The following SGCZ variants were observed in gnomAD, a reference collection of about 807,000 sequenced individuals.
SGCZ encodes the protein sarcoglycan zeta.
A neutral mutation model predicts 41.3 loss-of-function variants in SGCZ; 40 were observed. The observed-to-expected ratio is 0.97, with a 90% CI of 0.75 to 1.26. The LOEUF (loss-of-function observed/expected upper bound fraction) is 1.26, where lower values mean the gene tolerates loss of function less well. Ranked by LOEUF, SGCZ falls within the 50% of genes most tolerant of loss-of-function variation. The pLI is 0.00. For missense variants in SGCZ, 552 were observed against 369.8 expected (o/e 1.49, Z -4.04); for synonymous variants, 206 against 137.5 (o/e 1.50, Z -3.49).
intron 3 of SGCZ, among the ~76,000 whole-genome samples, chr8:14,269,772 G>C (rs1047665571): frequency 4.6e-5 from 7 of 152,076 alleles, no homozygotes; most frequent in Admixed American, 4.6e-4. Context: ...AACTGATTGG[G>C]GACACTGCTG....
chr8:14,383,243 A>G (rs1415259298), intron 2 of SGCZ, among the ~76,000 whole-genome samples: 3 of 152,240 alleles, frequency 2.0e-5, no homozygotes, highest in Non-Finnish European at 4.4e-5. Context: ...AATTAATTAA[A>G]ATGTCAAGAA....
At chr8:14,805,645 C>A (rs1801495544) in intron 1 of SGCZ, among the ~76,000 whole-genome samples, 1 of 149,088 alleles carries the variant, frequency 6.7e-6, no homozygotes, top group South Asian at 2.2e-4. Flanking sequence ...ACTTTAACAC[C>A]CCACTGTCAA....
chr8:14,641,208 C>T (rs901714605), intron 1 of SGCZ, among the ~76,000 whole-genome samples: 4 of 151,578 alleles, frequency 2.6e-5, no homozygotes, highest in Admixed American at 6.6e-5. Context: ...ACTACGTTTT[C>T]GCTCCAGGCT....
chr8:15,176,568 T>C (rs1475386347), intron 1 of SGCZ, among the ~76,000 whole-genome samples: 1 of 152,246 alleles, frequency 6.6e-6, no homozygotes. Context: ...TAATATTTCA[T>C]AGAAGAATTA....
chr8:14,521,422 G>C (rs1356507431), intron 2 of SGCZ, among the ~76,000 whole-genome samples: 1 of 151,924 alleles, frequency 6.6e-6, no homozygotes, highest in Non-Finnish European at 1.5e-5. Context: ...ACAAACCTAT[G>C]TTTACCTATG....
At chr8:15,056,776 A>C (rs1804722444) in intron 1 of SGCZ, among the ~76,000 whole-genome samples, 1 of 152,150 alleles carries the variant, frequency 6.6e-6, no homozygotes, top group Non-Finnish European at 1.5e-5. Context: ...TCCACCTTCC[A>C]AGTGACTTGA....
Position 14,108,248 on chromosome 8 carries a change from T to C in SGCZ, c.548-13A>G, listed in dbSNP as rs768221881. On this transcript the variant is annotated splice_polypyrimidine_tract_variant and intron_variant, in intron 5 of 7. Coordinates refer to ENST00000382080, the MANE Select transcript of SGCZ (RefSeq NM_139167.4). ...GCTCCTTCAGTGCCTGGGGGTAGCA[T>C]GAATATAGCAGTCAGTATAAGCAAG... 4 of 1,613,452 alleles carry C rather than the reference T, an allele frequency of 2.5e-6. No individual in the cohort carries two copies. The highest frequency in any genetic ancestry group is 3.4e-6 in the Non-Finnish European group (4 of 1,179,472).
intron 5 of SGCZ, among the ~76,000 whole-genome samples, chr8:14,126,069 G>A (rs1449933964): frequency 6.6e-6 from 1 of 152,180 alleles, no homozygotes; most frequent in Non-Finnish European, 1.5e-5. Flanking sequence ...ATAGGCATGG[G>A]CAAAGATTTT....
intron 1 of SGCZ, among the ~76,000 whole-genome samples, chr8:14,627,480 C>G (rs1056229990): frequency 1.3e-5 from 2 of 152,042 alleles, no homozygotes; most frequent in East Asian, 3.9e-4. Context: ...TTTCCACTGT[C>G]CTATCCTCAC....
intron 1 of SGCZ, among the ~76,000 whole-genome samples, chr8:15,162,364 G>C (rs1585628066): frequency 6.6e-6 from 1 of 152,154 alleles, no homozygotes; most frequent in Non-Finnish European, 1.5e-5. Flanking sequence ...ATTTTATGTG[G>C]AGTTATTCAG....
At chr8:14,234,810 G>A (rs1196291936) in intron 4 of SGCZ, among the ~76,000 whole-genome samples, 1 of 152,036 alleles carries the variant, frequency 6.6e-6, no homozygotes, top group Admixed American at 6.6e-5. Context: ...TCTACATAAA[G>A]GTAAATTTAT....
At chr8:14,799,178 T>A (rs1369065816) in intron 1 of SGCZ, among the ~76,000 whole-genome samples, 1 of 152,104 alleles carries the variant, frequency 6.6e-6, no homozygotes, top group Non-Finnish European at 1.5e-5. Flanking sequence ...AGACACTTAC[T>A]TTATAAAGAT....
intron 1 of SGCZ, among the ~76,000 whole-genome samples, chr8:15,231,759 G>C (rs895776992): frequency 2.0e-5 from 3 of 151,616 alleles, no homozygotes; most frequent in Admixed American, 1.3e-4. Context: ...GTAGCTGGGA[G>C]TACAGAAGCA....
intron 1 of SGCZ, among the ~76,000 whole-genome samples, chr8:14,876,112 G>C (rs755741355): frequency 6.6e-6 from 1 of 152,156 alleles, no homozygotes; most frequent in Non-Finnish European, 1.5e-5. Context: ...GCTTGCATCA[G>C]TGTAGACAAT....
At chr8:14,692,277 C>G (rs1808824935) in intron 1 of SGCZ, among the ~76,000 whole-genome samples, 1 of 151,804 alleles carries the variant, frequency 6.6e-6, no homozygotes. Context: ...AGGATATTGT[C>G]AAATGAGCCA....
chr8:14,789,139 G>C (rs1295524430), intron 1 of SGCZ, among the ~76,000 whole-genome samples: 1 of 151,984 alleles, frequency 6.6e-6, no homozygotes, highest in Non-Finnish European at 1.5e-5. Flanking sequence ...CACTCCTGTT[G>C]TGTTTACAAA....
chr8:14,116,803 T>A (rs892405366), intron 5 of SGCZ, among the ~76,000 whole-genome samples: 29 of 152,094 alleles, frequency 1.9e-4, no homozygotes, highest in Non-Finnish European at 2.9e-4. Context: ...TACTTTTAAC[T>A]AAAGAAATGG....
rs145422397 is a variant in SGCZ, at chr8:15,200,434, A to C, written c.39+37151T>G. 2.9e-3 allele frequency among the ~76,000 whole-genome samples: 444 copies of C among 152,278 alleles called. 1 individual carries two copies. The highest frequency in any genetic ancestry group is 0.01 in the African/African-American group (423 of 41,572). On this transcript the variant is annotated intron_variant, in intron 1 of 7. Coordinates refer to ENST00000382080, the MANE Select transcript of SGCZ (RefSeq NM_139167.4). ...ATGGCCTAGCTGTCCCACTGTGAAG[A>C]TAAAAGTAGACGTGGCTGAGCTCCA...
Position 14,118,245 on chromosome 8 carries a change from G to T in SGCZ, c.548-10010C>A, listed in dbSNP as rs529218398. On this transcript the variant is annotated intron_variant, in intron 5 of 7. Coordinates refer to ENST00000382080, the MANE Select transcript of SGCZ (RefSeq NM_139167.4). Reference sequence around the variant, plus strand: ...TTTCTCCACATTCTCTCCAGCATCTGTTGTTTCCTGACTTTTTAATGATCG... The same window carrying T: ...TTTCTCCACATTCTCTCCAGCATCTTTTGTTTCCTGACTTTTTAATGATCG... 5.3e-5 allele frequency among the ~76,000 whole-genome samples: 8 copies of T among 151,794 alleles called. No individual in the cohort carries two copies. In the South Asian group the frequency reaches 1.7e-3, roughly 32 times the overall value.
Sources: gnomAD v4.1 joint callset for allele counts (sites outside exome capture counted in the v4.1 genomes callset) on GRCh38, gnomAD v4.1.1 for gene constraint, MANE v1.5 for transcripts, NCBI Gene and HGNC (gene_info 2026-07-23, HGNC 2026-07-21) for gene names.